The following FOXP1 variants were observed in gnomAD, a reference collection of about 807,000 sequenced individuals.
FOXP1 encodes forkhead box P1.
A neutral mutation model predicts 98.2 loss-of-function variants in FOXP1; 15 were observed. The ratio of observed to expected loss-of-function variants is 0.15; its 90% confidence interval spans 0.10 to 0.24. The LOEUF (loss-of-function observed/expected upper bound fraction) is 0.24, where lower values mean the gene tolerates loss of function less well. Among genes scored for constraint, FOXP1 ranks in the 10% least tolerant of loss-of-function variants. FOXP1 has a pLI of 1.00. For synonymous variants in FOXP1, 371 were observed against 314.5 expected (o/e 1.18, Z -1.90); for missense variants, 633 against 848.5 (o/e 0.75, Z 3.15).
rs28698178 is a variant in FOXP1 at position 71,266,244 on chromosome 3, T to A, written c.-12+33576A>T. The stretch of plus-strand genomic sequence containing the variant: ...AATTTTGGACTTTTGTTTATTTTTT[T>A]AAATTTGTTTATTTTTTTTGAGACA... On this transcript the variant is annotated intron_variant, in intron 5 of 20. Transcript: ENST00000649528. Among the ~76,000 whole-genome samples the A allele has an allele frequency of 5.3e-5, 8 of 150,388 alleles. No homozygotes were observed. The East Asian group carries it at 1.4e-3, about 27-fold the overall frequency.
intron 6 of FOXP1, among the ~76,000 whole-genome samples, chr3:71,196,153 C>CT (rs2063288319): frequency 6.6e-6 from 1 of 152,160 alleles, no homozygotes; most frequent in Non-Finnish European, 1.5e-5. Context: ...GGAGAAAAAA[C>CT]TGTCATAAAA....
intron 4 of FOXP1, chr3:71,304,562 A>T (rs2074114264): frequency 6.6e-6 from 1 of 152,222 alleles, no homozygotes; most frequent in South Asian, 2.1e-4. Flanking sequence ...TATCTCTATC[A>T]ATCAAAATTT....
intron 6 of FOXP1, among the ~76,000 whole-genome samples, chr3:71,134,476 G>A (rs553408029): frequency 6.5e-4 from 99 of 152,294 alleles, no homozygotes; most frequent in Middle Eastern, 6.8e-3. Context: ...TAGGTAGATA[G>A]ACAGATAGCT....
intron 4 of FOXP1, among the ~76,000 whole-genome samples, chr3:71,339,587 G>A (rs2107771877): frequency 6.6e-6 from 1 of 152,296 alleles, no homozygotes; most frequent in Middle Eastern, 3.4e-3. Flanking sequence ...TTTTGTAAGA[G>A]ATGTCTCTCT....
intron 3 of FOXP1, among the ~76,000 whole-genome samples, chr3:71,398,715 G>A (rs1017102616): frequency 6.6e-6 from 1 of 152,110 alleles, no homozygotes; most frequent in East Asian, 1.9e-4. Context: ...TTGTCTTCCT[G>A]CCAAAACTCC....
At chr3:71,434,325 C>G (rs1270962084) in intron 3 of FOXP1, among the ~76,000 whole-genome samples, 2 of 151,880 alleles carry the variant, frequency 1.3e-5, no homozygotes, top group Non-Finnish European at 2.9e-5. Flanking sequence ...TCAGAAGACA[C>G]CTCCTTCCCA....
chr3:71,381,273 C>T (rs754537894), intron 3 of FOXP1, among the ~76,000 whole-genome samples: 6 of 151,692 alleles, frequency 4.0e-5, no homozygotes, highest in Non-Finnish European at 8.8e-5. Context: ...GCCTCAGCCT[C>T]CCCAGTAGCT....
intron 7 of FOXP1, among the ~76,000 whole-genome samples, chr3:71,108,256 C>T (rs1305435468): frequency 1.3e-5 from 2 of 152,178 alleles, no homozygotes; most frequent in Non-Finnish European, 2.9e-5. Flanking sequence ...TTTATGTACT[C>T]GTGCCAACAA....
At chr3:71,539,572 G>C (rs1464796949) in intron 2 of FOXP1, among the ~76,000 whole-genome samples, 1 of 151,570 alleles carries the variant, frequency 6.6e-6, no homozygotes, top group Non-Finnish European at 1.5e-5. Flanking sequence ...AACATGGAGA[G>C]TGCCACCTTG....
intron 6 of FOXP1, among the ~76,000 whole-genome samples, chr3:71,122,052 A>C (rs1239510330): frequency 1.3e-5 from 2 of 152,224 alleles, no homozygotes; most frequent in Non-Finnish European, 2.9e-5. Context: ...CTAATTTTGA[A>C]GCTTGTGGAA....
chr3:71,298,214 C>G (rs2073509430), intron 5 of FOXP1, among the ~76,000 whole-genome samples: 1 of 152,140 alleles, frequency 6.6e-6, no homozygotes, highest in African/African-American at 2.4e-5. Flanking sequence ...CGCCTGTAAT[C>G]CCAACACTTT....
At chr3:71,572,577 C>G (rs925380908) in intron 2 of FOXP1, 1 of 152,090 alleles carries the variant, frequency 6.6e-6, no homozygotes, top group African/African-American at 2.4e-5. Flanking sequence ...AAACCTTGAA[C>G]GTGCAAAACA....
intron 12 of FOXP1, among the ~76,000 whole-genome samples, chr3:71,002,087 G>A (rs1342555908): frequency 6.6e-6 from 1 of 152,092 alleles, no homozygotes; most frequent in African/African-American, 2.4e-5. Context: ...TTCCAAATGT[G>A]GTTTGAATCA....
intron 12 of FOXP1, among the ~76,000 whole-genome samples, chr3:71,003,062 T>C (rs1455943983): frequency 6.6e-6 from 1 of 152,176 alleles, no homozygotes; most frequent in Non-Finnish European, 1.5e-5. Flanking sequence ...TGTTTAACAT[T>C]TGCTAAGAAC....
At chr3:71,549,908 T>A (rs2045647989) in intron 2 of FOXP1, among the ~76,000 whole-genome samples, 1 of 150,116 alleles carries the variant, frequency 6.7e-6, no homozygotes, top group East Asian at 2.0e-4. Context: ...AAACTTTTAA[T>A]TTTTTTAGGC....
At chr3:71,524,207 T>C (rs1054765821) in intron 2 of FOXP1, among the ~76,000 whole-genome samples, 4 of 151,790 alleles carry the variant, frequency 2.6e-5, no homozygotes, top group African/African-American at 4.8e-5. Context: ...CTAGTAAAAA[T>C]ACAAAATTCA....
chr3:71,582,493 G>A (rs1043160643), intron 1 of FOXP1: 3 of 985,336 alleles, frequency 3.0e-6, no homozygotes, highest in African/African-American at 3.5e-5. Context: ...AAGGCTGCGC[G>A]CAAGCGAGGG....
At chr3:71,574,216 C>T (rs189731018) in intron 2 of FOXP1, 67 of 152,212 alleles carry the variant, frequency 4.4e-4, no homozygotes, top group African/African-American at 1.2e-3. Flanking sequence ...AAGTTCTAAA[C>T]GTAAAAACAA....
intron 2 of FOXP1, among the ~76,000 whole-genome samples, chr3:71,537,323 GA>G (rs1560623902): frequency 6.6e-6 from 1 of 152,218 alleles, no homozygotes; most frequent in East Asian, 1.9e-4. Flanking sequence ...GAGTCACGAG[GA>G]AAGACTGAAA....
Sources: gnomAD v4.1 joint callset for allele counts (sites outside exome capture counted in the v4.1 genomes callset) on GRCh38, gnomAD v4.1.1 for gene constraint, MANE v1.5 for transcripts, NCBI Gene and HGNC (gene_info 2026-07-23, HGNC 2026-07-21) for gene names.